The following ABCA12 variants were observed in gnomAD, a reference collection of about 807,000 sequenced individuals.
ABCA12 encodes the protein glucosylceramide transporter ABCA12.
Under a neutral mutation model 293.5 loss-of-function variants are expected in ABCA12, and 156 were observed. The observed-to-expected ratio is 0.53, with a 90% confidence interval of 0.47 to 0.61. The LOEUF (loss-of-function observed/expected upper bound fraction) is 0.61, where lower values mean the gene tolerates loss of function less well. Ranked by LOEUF, ABCA12 falls within the 20% of genes least tolerant of loss-of-function variation. ABCA12 has a pLI of 0.00. For synonymous variants in ABCA12, 1,063 were observed against 1,108.0 expected (o/e 0.96, Z 0.81); for missense variants, 2,797 against 3,090.2 (o/e 0.91, Z 2.25).
In ABCA12 at chr2:215,001,594, C is replaced by T; in HGVS notation, c.2827G>A (p.Ala943Thr). 3 of 1,613,692 alleles carry T rather than the reference C, an allele frequency of 1.9e-6. No homozygotes were observed. Among genetic ancestry groups the T allele is most frequent in the Non-Finnish European group, 2.5e-6 (3 of 1,179,766 alleles). ...TCGTTGCTTTTGTAGAGCCTTTTAG[C>T]CTCTCTCTCCATTTCATCTATGGTT... ...AKTIDEMEREAKRLYKSNELF... is the reference protein window; with the variant it reads ...AKTIDEMERETKRLYKSNELF... The change falls in exon 21 of 53, where the codon GCT (alanine) becomes ACT (threonine). Residue 943 changes from alanine (A) to threonine (T), a missense_variant. This residue lies in a region of ABCA12 where 2,130 missense variants were observed against 2,427.0 expected (regional missense o/e 0.88). Coordinates refer to ENST00000272895, the MANE Select transcript of ABCA12 (RefSeq NM_173076.3).
intron 39 of ABCA12, among the ~76,000 whole-genome samples, chr2:214,963,756 C>G (rs1413773123): frequency 1.3e-5 from 2 of 151,244 alleles, no homozygotes; most frequent in Admixed American, 6.6e-5. Context: ...CCTGTCTCTA[C>G]TAAAAATACA....
At chr2:214,969,864 G>A (rs1368964378) in intron 37 of ABCA12, among the ~76,000 whole-genome samples, 1 of 151,980 alleles carries the variant, frequency 6.6e-6, no homozygotes, top group East Asian at 1.9e-4. Flanking sequence ...ACATTTCCTT[G>A]CTACACATGA....
chr2:215,084,550 A>G (rs1283533767), intron 2 of ABCA12, among the ~76,000 whole-genome samples: 2 of 152,190 alleles, frequency 1.3e-5, no homozygotes, highest in Admixed American at 1.3e-4. Context: ...CAGCCTTAAC[A>G]CTAAAACTTT....
intron 1 of ABCA12, among the ~76,000 whole-genome samples, chr2:215,120,722 A>G (rs1702789188): frequency 6.6e-6 from 1 of 152,186 alleles, no homozygotes; most frequent in South Asian, 2.1e-4. Flanking sequence ...TCTAGTGACA[A>G]GAAGTTTACT....
intron 2 of ABCA12, among the ~76,000 whole-genome samples, chr2:215,088,062 G>A (rs1702075800): frequency 6.6e-6 from 1 of 152,202 alleles, no homozygotes; most frequent in Admixed American, 6.5e-5. Context: ...AGATGACTCT[G>A]AAGAGTTAGG....
Position 215,004,271 on chromosome 2 carries a change from A to C in ABCA12, c.2621T>G (p.Val874Gly). The C allele has an allele frequency of 1.2e-6, 2 of 1,613,760 alleles. No individual in the cohort carries two copies. The highest frequency in any genetic ancestry group is 1.7e-6 in the Non-Finnish European group (2 of 1,179,926). Reference protein sequence around the residue: ...QNTLRNPFVQVFVKFSVGLDA... With the variant: ...QNTLRNPFVQGFVKFSVGLDA... ...GAGTCCCACGGAGAACTTTACAAAA[A>C]CTTGCACAAAAGGGTTCCTTAGAGT... is the stretch of plus-strand genomic sequence containing the variant. Residue 874 changes from valine (V) to glycine (G), a missense_variant, in exon 20 of 53, where the codon GTT becomes GGT. By Grantham distance (109) the Val-to-Gly change is moderately radical. Coordinates refer to ENST00000272895, the MANE Select transcript of ABCA12 (RefSeq NM_173076.3).
intron 23 of ABCA12, among the ~76,000 whole-genome samples, chr2:214,993,001 C>T (rs1037961029): frequency 4.6e-5 from 7 of 152,164 alleles, no homozygotes. Flanking sequence ...AAAATTATAG[C>T]AAATGCATCG....
In ABCA12 at chr2:215,075,021, C is replaced by T. The variant is rs150094233; in HGVS notation, c.164-10802G>A. ...CAGCTTTTACTATACAGAGAGAAATCACACTTGTCAGGCACTTTAGGGCTT... is the reference window on the plus strand; with the variant it reads ...CAGCTTTTACTATACAGAGAGAAATTACACTTGTCAGGCACTTTAGGGCTT... On this transcript the variant is annotated intron_variant, in intron 2 of 52. Coordinates refer to ENST00000272895, the MANE Select transcript of ABCA12 (RefSeq NM_173076.3). Among the ~76,000 whole-genome samples the T allele has an allele frequency of 6.1e-3, 935 of 152,100 alleles. 7 individuals carry two copies. Among genetic ancestry groups the T allele is most frequent in the Non-Finnish European group, 8.6e-3 (587 of 67,974 alleles).
chr2:215,005,943 G>A (rs1000509597), intron 19 of ABCA12, among the ~76,000 whole-genome samples: 1 of 152,154 alleles, frequency 6.6e-6, no homozygotes, highest in Non-Finnish European at 1.5e-5. Context: ...TGCAGTTCAC[G>A]TACTTTAAGT....
chr2:215,000,464 A>G (rs1200946382), intron 22 of ABCA12, among the ~76,000 whole-genome samples: 1 of 152,128 alleles, frequency 6.6e-6, no homozygotes, highest in East Asian at 1.9e-4. Context: ...TTAGGGCCAG[A>G]ATTTTTGGAG....
intron 39 of ABCA12, among the ~76,000 whole-genome samples, chr2:214,959,484 T>C (rs528475912): frequency 1.3e-5 from 2 of 152,292 alleles, no homozygotes; most frequent in South Asian, 4.1e-4. Context: ...CAATTATTTA[T>C]ATGAGGATCC....
At chr2:215,126,988 G>T (rs1477786330) in intron 1 of ABCA12, among the ~76,000 whole-genome samples, 3 of 152,038 alleles carry the variant, frequency 2.0e-5, no homozygotes, top group African/African-American at 7.2e-5. Context: ...TCCATAGGTT[G>T]TGTCATTATT....
chr2:215,072,932 T>C (rs1305252852), intron 2 of ABCA12, among the ~76,000 whole-genome samples: 3 of 152,062 alleles, frequency 2.0e-5, no homozygotes, highest in Non-Finnish European at 4.4e-5. Flanking sequence ...CTGTCTCTAC[T>C]AAAAATACAA....
intron 14 of ABCA12, among the ~76,000 whole-genome samples, chr2:215,016,000 C>T (rs1446151193): frequency 1.3e-5 from 2 of 151,566 alleles, no homozygotes; most frequent in Non-Finnish European, 2.9e-5. Flanking sequence ...ATAAATTAGC[C>T]GGGCGTGGTG....
chr2:215,080,960 T>C (rs529707403), intron 2 of ABCA12: 2 of 152,346 alleles, frequency 1.3e-5, no homozygotes, highest in African/African-American at 4.8e-5. Context: ...TCTCAACCAG[T>C]GCTGGAAAAT....
At chr2:215,026,358 G>C (rs1476095278) in intron 10 of ABCA12, among the ~76,000 whole-genome samples, 1 of 152,190 alleles carries the variant, frequency 6.6e-6, no homozygotes, top group Admixed American at 6.5e-5. Flanking sequence ...TGCAAATAAA[G>C]TGTGTAAGGG....
chr2:215,082,043 C>CTT (rs549072917), intron 2 of ABCA12, among the ~76,000 whole-genome samples: 52,680 of 113,126 alleles, frequency 0.47, 14,010 homozygotes, highest in South Asian at 0.55. Context: ...ATTGTTAATT[C>CTT]TTTTTTTTTT....
At chr2:215,134,555 T>TACATATATGCGTATATATACGC (rs1703157890) in intron 1 of ABCA12, among the ~76,000 whole-genome samples, 6 of 139,690 alleles carry the variant, frequency 4.3e-5, no homozygotes, top group South Asian at 2.2e-4. Flanking sequence ...TACGTATATG[T>TACATATATGCGTATATATACGC]ATATATGTGT....
chr2:214,974,872 A>G lies in ABCA12; in HGVS notation c.5382-8T>C. 1 of 1,611,684 alleles carries G rather than the reference A, an allele frequency of 6.2e-7. No individual in the cohort carries two copies. The highest frequency in any genetic ancestry group is 8.5e-7 in the Non-Finnish European group (1 of 1,177,850). ...GTGCTCGGGTGATAATTACTGCAAT[A>G]TGAAAGGACAGAAACAAATTCATGA... On this transcript the variant is annotated splice_polypyrimidine_tract_variant and splice_region_variant and intron_variant, in intron 34 of 52. Coordinates refer to ENST00000272895, the MANE Select transcript of ABCA12 (RefSeq NM_173076.3).
Sources: gnomAD v4.1 joint callset for allele counts (sites outside exome capture counted in the v4.1 genomes callset) on GRCh38, gnomAD v4.1.1 for gene constraint, gnomAD v4.1.1 regional missense constraint, MANE v1.5 for transcripts, NCBI Gene and HGNC (gene_info 2026-07-23, HGNC 2026-07-21) for gene names.